The following NCMAP variants were observed in gnomAD, a reference collection of about 807,000 sequenced individuals.
NCMAP encodes noncompact myelin-associated protein.
A neutral mutation model predicts 7.8 loss-of-function variants in NCMAP; 8 were observed. The ratio of observed to expected loss-of-function variants is 1.02; its 90% CI spans 0.60 to 1.84. The LOEUF is 1.84. Among genes scored for constraint, NCMAP ranks in the 40% most tolerant of loss-of-function variants. The probability of loss-of-function intolerance (pLI) is 0.00; values close to 1 mark genes in which losing one functional copy is unlikely to be tolerated. For synonymous variants in NCMAP, 41 were observed against 52.9 expected, an observed-to-expected ratio of 0.78 and a Z score of 0.98; for missense variants, 112 against 131.4, an observed-to-expected ratio of 0.85 and a Z score of 0.72.
intron 1 of NCMAP, among the ~76,000 whole-genome samples, chr1:24,580,349 C>T (rs1557597555): frequency 6.6e-6 from 1 of 152,168 alleles, no homozygotes; most frequent in Non-Finnish European, 1.5e-5. Flanking sequence ...CAGACGGGGG[C>T]AGAACTCACT....
At chr1:24,601,695 A>G (rs1652497195) in intron 3 of NCMAP, among the ~76,000 whole-genome samples, 1 of 152,216 alleles carries the variant, frequency 6.6e-6, no homozygotes, top group East Asian at 1.9e-4. Flanking sequence ...GCTTGAGTCC[A>G]GGAGTTTGAG....
At chr1:24,581,535 G>A (rs535305509) in intron 1 of NCMAP, among the ~76,000 whole-genome samples, 41 of 152,340 alleles carry the variant, frequency 2.7e-4, no homozygotes, top group African/African-American at 8.9e-4. Context: ...ATTGTGTTCA[G>A]TAGCCTAGAG....
rs900335157 is a variant in NCMAP at position 24,605,755 on chromosome 1, C to G, written c.*8C>G. 8.7e-6 allele frequency: 14 copies of G among 1,613,986 alleles called. No homozygotes were observed. Among genetic ancestry groups the G allele is most frequent in the Non-Finnish European group, 1.1e-5 (13 of 1,179,998 alleles). On this transcript the variant is annotated 3_prime_UTR_variant, in exon 4 of 4. Coordinates refer to ENST00000374392, the MANE Select transcript of NCMAP (RefSeq NM_001010980.5). ...CAGGTGGAGACGCGATGACCTCTAC[C>G]CTGGCGCTATCTCCACCACTGTCCA...
At chr1:24,604,629 T>A (rs1174922849) in intron 3 of NCMAP, among the ~76,000 whole-genome samples, 2 of 71,970 alleles carry the variant, frequency 2.8e-5, no homozygotes, top group African/African-American at 7.1e-5. Context: ...TATATATATA[T>A]ATATATATAT....
chr1:24,556,793 G>C (rs1282663260), intron 1 of NCMAP, among the ~76,000 whole-genome samples: 1 of 152,114 alleles, frequency 6.6e-6, no homozygotes, highest in South Asian at 2.1e-4. Flanking sequence ...ATGAAGGCTG[G>C]ATTAGAGAGA....
In NCMAP at chr1:24,608,860, C is replaced by T. The variant is rs1652841534; in HGVS notation, c.*3113C>T. 6.5e-6 allele frequency: 1 copy of T among 152,808 alleles called. No homozygotes were observed. Among genetic ancestry groups the T allele is most frequent in the Non-Finnish European group, 1.5e-5 (1 of 68,532 alleles). 9.5% of individuals were successfully genotyped at this position (152,808 alleles called of 1,614,324 possible). On this transcript the variant is annotated 3_prime_UTR_variant, in exon 4 of 4. Transcript: ENST00000374392. ...GCAGTGAGCTGAGATCGCGCCACTG[C>T]ACTCCAGCCGGGGTGACAGAGCCAG...
chr1:24,602,032 C>A (rs1318107984), intron 3 of NCMAP, among the ~76,000 whole-genome samples: 1 of 119,598 alleles, frequency 8.4e-6, no homozygotes, highest in African/African-American at 3.3e-5. Context: ...CGGAGCGAAA[C>A]TCCGTCTCAA....
intron 1 of NCMAP, among the ~76,000 whole-genome samples, chr1:24,590,338 C>T (rs1652008865): frequency 6.6e-6 from 1 of 152,180 alleles, no homozygotes; most frequent in Admixed American, 6.5e-5. Flanking sequence ...ATGTCTCTCT[C>T]ACTAAGCAAA....
chr1:24,606,986 T>TTTTTC lies in NCMAP; in HGVS notation c.*1249_*1253dup, dbSNP rs1374600549. 12 of 136,624 alleles carry TTTTTC rather than the reference T, an allele frequency of 8.8e-5. No individual in the cohort carries two copies. Among genetic ancestry groups the TTTTTC allele is most frequent in the Non-Finnish European group, 1.0e-4 (7 of 68,206 alleles). 8.5% of individuals were successfully genotyped at this position (136,624 alleles called of 1,614,324 possible). ...GGAACCAGGATTCTTTTTCTTTTCT[T>TTTTTC]TTTTCTTTTCTTTTTTTTTTTTTTT... On this transcript the variant is annotated 3_prime_UTR_variant, in exon 4 of 4. Coordinates refer to ENST00000374392, the MANE Select transcript of NCMAP (RefSeq NM_001010980.5).
chr1:24,556,881 G>C (rs920794357), intron 1 of NCMAP, among the ~76,000 whole-genome samples: 3 of 152,134 alleles, frequency 2.0e-5, no homozygotes, highest in Non-Finnish European at 4.4e-5. Flanking sequence ...GGCAGGGAAA[G>C]GAAAGGTGGT....
At chr1:24,573,753 CAT>C (rs1651460477) in intron 1 of NCMAP, among the ~76,000 whole-genome samples, 1 of 150,096 alleles carries the variant, frequency 6.7e-6, no homozygotes, top group South Asian at 2.1e-4. Flanking sequence ...GCCTGGGCAA[CAT>C]AGTAAAACCC....
chr1:24,589,946 C>T (rs188042961), intron 1 of NCMAP, among the ~76,000 whole-genome samples: 205 of 152,288 alleles, frequency 1.3e-3, no homozygotes, highest in Non-Finnish European at 2.3e-3. Context: ...CCTCAGCCTC[C>T]CTCAAGAGTA....
At chr1:24,573,925 T>C (rs1403048607) in intron 1 of NCMAP, among the ~76,000 whole-genome samples, 1 of 122,184 alleles carries the variant, frequency 8.2e-6, no homozygotes, top group African/African-American at 3.4e-5. Context: ...GGCGGCACCA[T>C]GCACTCTGCT....
At chr1:24,573,081 GA>G (rs1176165661) in intron 1 of NCMAP, among the ~76,000 whole-genome samples, 1 of 150,416 alleles carries the variant, frequency 6.6e-6, no homozygotes, top group African/African-American at 2.5e-5. Context: ...CCAGGTCTAG[GA>G]AAGCCAGGCC....
At chr1:24,560,593 A>G (rs1651021491) in intron 1 of NCMAP, among the ~76,000 whole-genome samples, 1 of 152,028 alleles carries the variant, frequency 6.6e-6, no homozygotes, top group Non-Finnish European at 1.5e-5. Flanking sequence ...AATAACAAAA[A>G]CTTTAGCAGG....
chr1:24,602,550 A>G (rs1243504667), intron 3 of NCMAP, among the ~76,000 whole-genome samples: 1 of 126,802 alleles, frequency 7.9e-6, no homozygotes, highest in Admixed American at 7.6e-5. Flanking sequence ...CGCCTGGGCG[A>G]CAGAACGAGA....
intron 1 of NCMAP, among the ~76,000 whole-genome samples, chr1:24,586,284 A>C (rs980340191): frequency 6.6e-6 from 1 of 152,172 alleles, no homozygotes; most frequent in Non-Finnish European, 1.5e-5. Flanking sequence ...GGAGGAGCGG[A>C]AATGTCTCTC....
chr1:24,593,627 T>A lies in NCMAP; in HGVS notation c.-7-1797T>A, dbSNP rs559315472. Among the ~76,000 whole-genome samples the A allele has an allele frequency of 1.7e-3, 260 of 152,252 alleles. 2 individuals are homozygous for A. The highest frequency in any genetic ancestry group is 0.012 in the South Asian group (58 of 4,824). ...ACATTTCTTACTTTTAAAAAGAAAA[T>A]AAATTTATACACCATTTTTTAAAAT... On this transcript the variant is annotated intron_variant, in intron 1 of 3. Transcript: ENST00000374392.
intron 2 of NCMAP, among the ~76,000 whole-genome samples, chr1:24,600,173 T>C (rs1204965707): frequency 6.7e-6 from 1 of 150,226 alleles, no homozygotes; most frequent in African/African-American, 2.5e-5. Context: ...TTTTTTGAGA[T>C]AGAGTCTTGC....
Sources: allele counts gnomAD v4.1 joint callset (sites outside exome capture counted in the v4.1 genomes callset), GRCh38; gene constraint gnomAD v4.1.1; transcripts MANE v1.5; gene names NCBI Gene and HGNC (gene_info 2026-07-23, HGNC 2026-07-21).